HCRTR1: variants seen among roughly 807,000 people sequenced by gnomAD.
HCRTR1 encodes orexin/Hypocretin receptor type 1.
HCRTR1 carries 28 observed loss-of-function variants against 40.6 expected under a neutral mutation model. The ratio of observed to expected loss-of-function variants is 0.69; its 90% CI spans 0.51 to 0.95. The LOEUF is 0.95. Ranked by LOEUF, HCRTR1 falls within the 40% of genes least tolerant of loss-of-function variation. The pLI is 0.00. For missense variants in HCRTR1, 482 were observed against 564.7 expected, an observed-to-expected ratio of 0.85 and a Z score of 1.48; for synonymous variants, 209 against 230.0, an observed-to-expected ratio of 0.91 and a Z score of 0.83.
chr1:31,626,856 C>T lies in HCRTR1; in HGVS notation c.1154C>T (p.Ser385Phe). Residue 385 changes from serine to phenylalanine, a missense_variant, in exon 9 of 9, where the codon TCT becomes TTT. Coordinates refer to ENST00000403528, the MANE Select transcript of HCRTR1 (RefSeq NM_001525.3). This position sits in a 1 kb window ranked among gnomAD's most constrained non-coding sequence, Gnocchi z 4.6. ...CCLPGLGPCG[S>F]LKAPSPRSSA... is the part of the protein sequence containing the mutation. ...CTGCCTGGCCTGGGTCCCTGCGGCT[C>T]TCTGAAGGCCCCTAGTCCCCGCTCC... 6.2e-7 allele frequency: 1 copy of T among 1,614,116 alleles called. No homozygotes were observed. Among genetic ancestry groups the T allele is most frequent in the Non-Finnish European group, 8.5e-7 (1 of 1,180,016 alleles).
chr1:31,621,238 G>A, intron 5 of HCRTR1, 152 bp downstream of exon 5: 1 of 1,153,436 alleles, frequency 8.7e-7, no homozygotes, highest in Non-Finnish European at 1.2e-6. Flanking sequence ...CTCCTACCAG[G>A]GATACTCCCA....
intron 7 of HCRTR1, 30 bp downstream of exon 7, chr1:31,623,779 G>A: frequency 6.4e-7 from 1 of 1,560,170 alleles, no homozygotes. Context: ...TTGGGGTGGG[G>A]AGAAGTTTGA....
At chr1:31,632,314 T>C, downstream of HCRTR1, 2 of 1,079,016 alleles carry the variant, frequency 1.9e-6, no homozygotes, top group Non-Finnish European at 2.8e-6. Flanking sequence ...GCCCTGGCTC[T>C]TGGCTCAGTG....
chr1:31,626,660 C>G lies in HCRTR1; in HGVS notation c.1088-130C>G. ...GTTGCCTCAGGGCTCTCCCTCCCAG[C>G]TCTATCCCTCCCTCCCTCCCCGCCC... is the stretch of plus-strand genomic sequence containing the variant. On this transcript the variant is annotated intron_variant, in intron 8 of 8. Coordinates refer to ENST00000403528, the MANE Select transcript of HCRTR1 (RefSeq NM_001525.3). The surrounding 1 kb of genome is among the most constrained non-coding windows in gnomAD (Gnocchi z 4.6). The G allele has an allele frequency of 8.0e-7, 1 of 1,254,280 alleles. No homozygotes were observed. The highest frequency in any genetic ancestry group is 1.1e-6 in the Non-Finnish European group (1 of 920,362). The allele number at this position is 1,254,280 out of a possible 1,614,324, so 77.7% of individuals were successfully genotyped here.
downstream of HCRTR1, among the ~76,000 whole-genome samples, chr1:31,627,891 C>T (rs376257560): frequency 1.2e-4 from 19 of 152,300 alleles, no homozygotes; most frequent in East Asian, 3.7e-3. Context: ...TAAGGGGGGC[C>T]GGGTGGGCAG....
At chr1:31,631,500 C>A (rs1218072135), downstream of HCRTR1, among the ~76,000 whole-genome samples, 1 of 152,270 alleles carries the variant, frequency 6.6e-6, no homozygotes, top group East Asian at 1.9e-4. Flanking sequence ...CTTACCAGGC[C>A]AGGCTAAAAC....
chr1:31,626,877 G>T lies in HCRTR1; in HGVS notation c.1175G>T (p.Arg392Leu), dbSNP rs201590353. 3.7e-6 allele frequency: 6 copies of T among 1,613,934 alleles called. No individual in the cohort carries two copies. The highest frequency in any genetic ancestry group is 5.1e-6 in the Non-Finnish European group (6 of 1,180,038). The change falls in exon 9 of 9, where the codon CGC (arginine) becomes CTC (leucine). Residue 392 changes from arginine (R) to leucine (L), a missense_variant. Physicochemically the swap from Arg to Leu is moderately radical, Grantham distance 102. Coordinates refer to ENST00000403528, the MANE Select transcript of HCRTR1 (RefSeq NM_001525.3). The surrounding 1 kb of genome is among the most constrained non-coding windows in gnomAD (Gnocchi z 4.6). ...PCGSLKAPSP[R>L]SSASHKSLSL... ...GGCTCTCTGAAGGCCCCTAGTCCCC[G>T]CTCCTCTGCCAGCCACAAGTCCTTG...
downstream of HCRTR1, among the ~76,000 whole-genome samples, chr1:31,631,235 T>A (rs1640094228): frequency 6.6e-6 from 1 of 152,238 alleles, no homozygotes; most frequent in South Asian, 2.1e-4. Context: ...TATGAGGACC[T>A]GCTCTGGAGT....
Position 31,625,323 on chromosome 1 carries a change from C to T in HCRTR1, c.1087+205C>T, listed in dbSNP as rs993565640. 6.6e-6 allele frequency among the ~76,000 whole-genome samples: 1 copy of T among 152,172 alleles called. No individual in the cohort carries two copies. Among genetic ancestry groups the T allele is most frequent in the Non-Finnish European group, 1.5e-5 (1 of 68,018 alleles). On this transcript the variant is annotated intron_variant, in intron 8 of 8. Coordinates refer to ENST00000403528, the MANE Select transcript of HCRTR1 (RefSeq NM_001525.3). The surrounding 1 kb of genome is among the most constrained non-coding windows in gnomAD (Gnocchi z 4.2). ...GCCACACTCCCTACAGTGGCTGGCA[C>T]CCAGGATCCAGTTTTGCAGATTCTG...
Position 31,621,574 on chromosome 1 carries a change from C to T in HCRTR1, c.720C>T (p.Arg240=). 6.2e-7 allele frequency: 1 copy of T among 1,613,202 alleles called. No individual in the cohort carries two copies. The highest frequency in any genetic ancestry group is 1.1e-5 in the South Asian group (1 of 91,084). ...CCATGGCCTATTTCCAGATATTCCG[C>T]AAGCTCTGGGGCCGCCAGGTGAGGC... is the stretch of plus-strand genomic sequence containing the variant. ...LMAMAYFQIF[R]KLWGRQIPGT... The change falls in exon 6 of 9, where the codon CGC becomes CGT. Residue 240 remains arginine, a synonymous_variant. Coordinates refer to ENST00000403528, the MANE Select transcript of HCRTR1 (RefSeq NM_001525.3).
rs41263963 is a variant in HCRTR1, at chr1:31,627,009, G to A, written c.*29G>A. On this transcript the variant is annotated 3_prime_UTR_variant, in exon 9 of 9. Coordinates refer to ENST00000403528, the MANE Select transcript of HCRTR1 (RefSeq NM_001525.3). ...AGGGCTGCCCTGGAGGCTCCGGCTC[G>A]GGGGATCTGCCCCTACCCCTCATGG... The A allele has an allele frequency of 0.065, 103,981 of 1,591,482 alleles. 4,009 individuals are homozygous for A. Among genetic ancestry groups the A allele is most frequent in the African/African-American group, 0.16 (11,814 of 74,714 alleles).
downstream of HCRTR1, among the ~76,000 whole-genome samples, chr1:31,634,182 G>A (rs961214997): frequency 1.3e-5 from 2 of 152,138 alleles, no homozygotes; most frequent in East Asian, 3.8e-4. Flanking sequence ...GGAAAAATCC[G>A]GGCAGGTTCT....
At chr1:31,620,100 C>T (rs950659044) in intron 4 of HCRTR1, among the ~76,000 whole-genome samples, 7 of 152,216 alleles carry the variant, frequency 4.6e-5, no homozygotes, top group Admixed American at 4.6e-4. Flanking sequence ...TGGAAACAGC[C>T]GTCTCCTCTC....
Position 31,619,287 on chromosome 1 carries a change from T to A in HCRTR1, c.95T>A (p.Leu32His). 6.2e-7 allele frequency: 1 copy of A among 1,614,176 alleles called. No homozygotes were observed. The highest frequency in any genetic ancestry group is 8.5e-7 in the Non-Finnish European group (1 of 1,180,030). The change falls in exon 3 of 9, where the codon CTC becomes CAC. Residue 32 changes from leucine to histidine, a missense_variant. Leu to His is a moderately conservative substitution (Grantham distance 99). Coordinates refer to ENST00000403528, the MANE Select transcript of HCRTR1 (RefSeq NM_001525.3). ...CCTCCAGACTATGAAGATGAGTTTC[T>A]CCGCTATCTGTGGCGCGATTATCTG... Reference protein sequence around the residue: ...PVPPDYEDEFLRYLWRDYLYP... With the variant: ...PVPPDYEDEFHRYLWRDYLYP...
In HCRTR1 at chr1:31,625,507, C is replaced by T. The variant is rs1298502672; in HGVS notation, c.1087+389C>T. Reference sequence around the variant, plus strand: ...TGGGAGGAGGGCCCTGGAGCCCCTGCCCGAGGAAGGATTGCACAGTCCAGG... The same window carrying T: ...TGGGAGGAGGGCCCTGGAGCCCCTGTCCGAGGAAGGATTGCACAGTCCAGG... On this transcript the variant is annotated intron_variant, in intron 8 of 8. Transcript: ENST00000403528. This position sits in a 1 kb window ranked among gnomAD's most constrained non-coding sequence, Gnocchi z 4.2. Among the ~76,000 whole-genome samples the T allele has an allele frequency of 6.6e-6, 1 of 152,190 alleles. No homozygotes were observed. The highest frequency in any genetic ancestry group is 6.5e-5 in the Admixed American group (1 of 15,278).
At chr1:31,619,790 C>G in intron 4 of HCRTR1, 80 bp downstream of exon 4, 42 of 1,340,216 alleles carry the variant, frequency 3.1e-5, no homozygotes, top group Non-Finnish European at 4.2e-5. Flanking sequence ...TCTCAGTGAC[C>G]CCCAGACTTG....
chr1:31,619,422 C>T (rs201702988), intron 3 of HCRTR1, 31 bp downstream of exon 3: 68 of 1,613,226 alleles, frequency 4.2e-5, no homozygotes, highest in Admixed American at 5.0e-5. Flanking sequence ...GCAGTGCTGC[C>T]GGCTTTCCCT....
At position 31,625,170 on chromosome 1, in the gene HCRTR1, A is replaced by C. The variant is rs1288927301; in HGVS notation, c.1087+52A>C. 1 of 1,527,512 alleles carries C rather than the reference A, an allele frequency of 6.5e-7. No individual in the cohort carries two copies. 94.6% of individuals were successfully genotyped at this position (1,527,512 alleles called of 1,614,324 possible). ...CTGAGGGTGGCCAACAGTCCACATG[A>C]CAAGTCTCCCCATCCCCAAGCCAGG... On this transcript the variant is annotated intron_variant, in intron 8 of 8. Transcript: ENST00000403528. The surrounding 1 kb of genome is among the most constrained non-coding windows in gnomAD (Gnocchi z 4.2).
At chr1:31,624,389 G>T (rs1299262891) in intron 7 of HCRTR1, among the ~76,000 whole-genome samples, 5 of 147,054 alleles carry the variant, frequency 3.4e-5, no homozygotes, top group African/African-American at 1.3e-4. Context: ...CCAGGAGGTT[G>T]AGGCTGCAGC....
Sources: gnomAD v4.1 joint callset for allele counts (sites outside exome capture counted in the v4.1 genomes callset) on GRCh38, gnomAD v4.1.1 for gene constraint, Gnocchi (gnomAD v3.1) non-coding constraint, MANE v1.5 for transcripts, NCBI Gene and HGNC (gene_info 2026-07-23, HGNC 2026-07-21) for gene names.